MYRIP: variants seen among roughly 807,000 people sequenced by gnomAD.
The protein encoded by MYRIP is myosin VIIA and Rab interacting protein.
Under a neutral mutation model 98.0 loss-of-function variants are expected in MYRIP, and 49 were observed. The ratio of observed to expected loss-of-function variants is 0.50; its 90% CI spans 0.40 to 0.63. The LOEUF is 0.63. Ranked by LOEUF, MYRIP falls within the 30% of genes least tolerant of loss-of-function variation. The probability of loss-of-function intolerance (pLI) is 0.00; values close to 1 mark genes in which losing one functional copy is unlikely to be tolerated. For missense variants in MYRIP, 1,004 were observed against 1,058.2 expected (o/e 0.95, Z 0.71); for synonymous variants, 404 against 409.5 (o/e 0.99, Z 0.16).
intron 10 of MYRIP, among the ~76,000 whole-genome samples, chr3:40,201,237 A>C (rs1410513464): frequency 1.3e-5 from 2 of 152,210 alleles, no homozygotes; most frequent in Non-Finnish European, 2.9e-5. Context: ...GATATTCTAT[A>C]TGGAATTGCC....
At chr3:40,022,856 A>G (rs570264147) in intron 2 of MYRIP, among the ~76,000 whole-genome samples, 3 of 152,312 alleles carry the variant, frequency 2.0e-5, no homozygotes, top group Admixed American at 6.5e-5. Flanking sequence ...TACATGTATT[A>G]TTAGATATTT....
intron 3 of MYRIP, among the ~76,000 whole-genome samples, chr3:40,081,902 G>A (rs114525727): frequency 5.3e-4 from 80 of 152,182 alleles, no homozygotes; most frequent in African/African-American, 1.8e-3. Context: ...TATATTCCAC[G>A]TATGAGCAAG....
chr3:39,914,156 A>T (rs1034369465), intron 2 of MYRIP, among the ~76,000 whole-genome samples: 1 of 152,184 alleles, frequency 6.6e-6, no homozygotes, highest in Non-Finnish European at 1.5e-5. Context: ...CTTAAAATTA[A>T]ATCTGGAACT....
At chr3:40,151,326 TAGA>T (rs1443603193) in intron 4 of MYRIP, 142 bp downstream of exon 4, 2 of 903,046 alleles carry the variant, frequency 2.2e-6, no homozygotes, top group Non-Finnish European at 3.1e-6. Context: ...GAAGCAGAAA[TAGA>T]AGGACGGATG....
At chr3:40,111,994 C>T (rs1239903173) in intron 3 of MYRIP, among the ~76,000 whole-genome samples, 1 of 152,136 alleles carries the variant, frequency 6.6e-6, no homozygotes, top group African/African-American at 2.4e-5. Flanking sequence ...CTGATCTGAA[C>T]ATCTGTGATT....
intron 11 of MYRIP, among the ~76,000 whole-genome samples, chr3:40,228,275 G>A (rs995048715): frequency 1.3e-5 from 2 of 152,148 alleles, no homozygotes; most frequent in African/African-American, 4.8e-5. Context: ...GCATTTATGG[G>A]CCCTTTCCTC....
chr3:39,831,127 G>T (rs1470358093), intron 1 of MYRIP, among the ~76,000 whole-genome samples: 2 of 151,960 alleles, frequency 1.3e-5, no homozygotes. Flanking sequence ...CTAAATCTCT[G>T]GAAGTTCTTT....
intron 9 of MYRIP, among the ~76,000 whole-genome samples, chr3:40,187,050 T>C (rs1463090041): frequency 6.6e-6 from 1 of 152,246 alleles, no homozygotes; most frequent in East Asian, 1.9e-4. Flanking sequence ...TCATACTGAA[T>C]AGTGACTATC....
At chr3:40,052,401 G>A (rs1471357192) in intron 3 of MYRIP, among the ~76,000 whole-genome samples, 1 of 152,126 alleles carries the variant, frequency 6.6e-6, no homozygotes. Flanking sequence ...ATACTCCAAT[G>A]TATTTGTAAT....
chr3:40,097,352 A>T (rs956985059), intron 3 of MYRIP, among the ~76,000 whole-genome samples: 1 of 152,164 alleles, frequency 6.6e-6, no homozygotes, highest in Non-Finnish European at 1.5e-5. Context: ...CAGGGTTGGC[A>T]TTCTTATCCT....
chr3:40,015,742 A>G (rs575301523), intron 2 of MYRIP, among the ~76,000 whole-genome samples: 12 of 152,348 alleles, frequency 7.9e-5, no homozygotes, highest in South Asian at 2.1e-4. Context: ...GCACTTGGCA[A>G]TTGATCTTAT....
chr3:40,190,635 G>A (rs1320669057), intron 10 of MYRIP, among the ~76,000 whole-genome samples, 172 bp downstream of exon 10: 1 of 152,068 alleles, frequency 6.6e-6, no homozygotes, highest in African/African-American at 2.4e-5. Flanking sequence ...CAACTCTTTG[G>A]GACTCCACGT....
At chr3:40,184,156 T>G (rs1950964109) in intron 9 of MYRIP, among the ~76,000 whole-genome samples, 1 of 152,196 alleles carries the variant, frequency 6.6e-6, no homozygotes, top group Non-Finnish European at 1.5e-5. Flanking sequence ...CCCAGTCTAT[T>G]CATATTCATT....
At chr3:40,230,577 C>T (rs940068653) in intron 11 of MYRIP, among the ~76,000 whole-genome samples, 3 of 152,150 alleles carry the variant, frequency 2.0e-5, no homozygotes, top group Admixed American at 6.5e-5. Flanking sequence ...AGTGCCCTGC[C>T]CCTGTCATAT....
chr3:39,854,245 A>T (rs1413502138), intron 1 of MYRIP, among the ~76,000 whole-genome samples: 1 of 152,160 alleles, frequency 6.6e-6, no homozygotes, highest in East Asian at 1.9e-4. Context: ...AAGTTTTCCA[A>T]ACTTTTAGAT....
chr3:40,160,136 T>C (rs1008571490), intron 4 of MYRIP, among the ~76,000 whole-genome samples: 3 of 152,236 alleles, frequency 2.0e-5, no homozygotes, highest in African/African-American at 7.2e-5. Flanking sequence ...TATCTACTTT[T>C]GGTCTTTGAT....
intron 3 of MYRIP, among the ~76,000 whole-genome samples, chr3:40,051,509 C>A (rs1264374695): frequency 1.3e-5 from 2 of 152,090 alleles, no homozygotes; most frequent in Non-Finnish European, 2.9e-5. Context: ...GTCTATCTAA[C>A]TTTTATATGC....
chr3:40,049,592 A>G (rs1254546816), intron 3 of MYRIP, among the ~76,000 whole-genome samples: 1 of 152,002 alleles, frequency 6.6e-6, no homozygotes, highest in Non-Finnish European at 1.5e-5. Flanking sequence ...ACAATATTAA[A>G]TTCAGTCAAC....
intron 3 of MYRIP, among the ~76,000 whole-genome samples, chr3:40,072,427 G>T (rs1055447575): frequency 6.6e-6 from 1 of 151,994 alleles, no homozygotes; most frequent in African/African-American, 2.4e-5. Context: ...GGCTGGTCTC[G>T]AACTGCTGAC....
Sources: gnomAD v4.1 joint callset for allele counts (sites outside exome capture counted in the v4.1 genomes callset) on GRCh38, gnomAD v4.1.1 for gene constraint, MANE v1.5 for transcripts, NCBI Gene and HGNC (gene_info 2026-07-23, HGNC 2026-07-21) for gene names.